The following CALN1 variants were observed in gnomAD, a reference collection of about 807,000 sequenced individuals.
The protein encoded by CALN1 is calneuron 1.
In CALN1, 17 loss-of-function variants were observed where a neutral mutation model predicts 30.6. That is an observed-to-expected ratio of 0.56 (90% CI 0.38 to 0.83). The LOEUF (loss-of-function observed/expected upper bound fraction) is 0.83, where lower values mean the gene tolerates loss of function less well. Among genes scored for constraint, CALN1 ranks in the 40% least tolerant of loss-of-function variants. The pLI, the probability that CALN1 is intolerant of heterozygous loss-of-function variation, is 0.00. For synonymous variants in CALN1, 156 were observed against 131.4 expected, an observed-to-expected ratio of 1.19 and a Z score of -1.28; for missense variants, 291 against 354.9, an observed-to-expected ratio of 0.82 and a Z score of 1.45.
rs371153112 is a variant in CALN1 at position 71,873,001 on chromosome 7, A to ATTTTTTTT, written c.502-62517_502-62510dup. Among the ~76,000 whole-genome samples the ATTTTTTTT allele has an allele frequency of 1.1e-3, 132 of 115,600 alleles. 6 individuals are homozygous for ATTTTTTTT. The highest frequency in any genetic ancestry group is 3.6e-3 in the African/African-American group (102 of 28,088). The allele number at this position is 115,600 out of a possible 152,430, so 75.8% of individuals were successfully genotyped here. ...AGTTAAACACACAAAGTTTGTGACA[A>ATTTTTTTT]TTTTTTTTTTTTTTTTTTTTGAGAT... On this transcript the variant is annotated intron_variant, in intron 5 of 6. Coordinates refer to ENST00000395275, the MANE Select transcript of CALN1 (RefSeq NM_031468.4).
chr7:72,216,091 A>G (rs1009107785), intron 3 of CALN1, among the ~76,000 whole-genome samples: 1 of 152,114 alleles, frequency 6.6e-6, no homozygotes, highest in Non-Finnish European at 1.5e-5. Context: ...CTGCCTCCAG[A>G]AAGACCCAAC....
intron 4 of CALN1, among the ~76,000 whole-genome samples, chr7:72,078,038 T>C (rs552310819): frequency 2.6e-5 from 4 of 152,296 alleles, no homozygotes; most frequent in East Asian, 3.9e-4. Flanking sequence ...ACAGTTGCCA[T>C]AGCAATCCCG....
chr7:72,244,358 A>C (rs1795026996), intron 3 of CALN1, among the ~76,000 whole-genome samples: 1 of 152,192 alleles, frequency 6.6e-6, no homozygotes, highest in African/African-American at 2.4e-5. Context: ...AAAGCTATTC[A>C]AGAAGTCCAC....
At chr7:72,197,177 G>T (rs1159580359) in intron 3 of CALN1, among the ~76,000 whole-genome samples, 94 of 81,140 alleles carry the variant, frequency 1.2e-3, no homozygotes, top group African/African-American at 3.7e-3. Flanking sequence ...TGGAAGGTTT[G>T]CTTTTTTTTT....
At position 72,268,326 on chromosome 7, in the gene CALN1, C is replaced by G. The variant is rs146059273; in HGVS notation, c.244+10360G>C. 2.6e-3 allele frequency among the ~76,000 whole-genome samples: 389 copies of G among 151,364 alleles called. 2 individuals carry two copies. The highest frequency in any genetic ancestry group is 8.5e-3 in the African/African-American group (351 of 41,298). On this transcript the variant is annotated intron_variant, in intron 3 of 6. Transcript: ENST00000395275. ...GTGGAGGGTAAGCAGGGAGTTGAAGCAGACAAAAAAAAAGAAGGGATTCAG... is the reference window on the plus strand; with the variant it reads ...GTGGAGGGTAAGCAGGGAGTTGAAGGAGACAAAAAAAAAGAAGGGATTCAG...
chr7:72,310,413 T>C (rs1227288654), intron 2 of CALN1, among the ~76,000 whole-genome samples: 2 of 149,802 alleles, frequency 1.3e-5, no homozygotes, highest in Non-Finnish European at 3.0e-5. Context: ...ACAATGGCAA[T>C]GGCCTAGATG....
At chr7:71,861,837 T>C (rs1000233809) in intron 5 of CALN1, among the ~76,000 whole-genome samples, 1 of 150,200 alleles carries the variant, frequency 6.7e-6, no homozygotes, top group Admixed American at 6.6e-5. Context: ...GTTGATTGGG[T>C]TTCCTGCTTT....
At chr7:72,192,116 C>A (rs1247897658) in intron 3 of CALN1, among the ~76,000 whole-genome samples, 2 of 152,230 alleles carry the variant, frequency 1.3e-5, no homozygotes, top group South Asian at 4.1e-4. Context: ...CTGACCTCTG[C>A]AGAAGGTCGG....
chr7:71,866,707 G>T (rs1791608171), intron 5 of CALN1, among the ~76,000 whole-genome samples: 1 of 152,146 alleles, frequency 6.6e-6, no homozygotes, highest in Non-Finnish European at 1.5e-5. Flanking sequence ...AAACTCAGGG[G>T]ATGATACAGG....
chr7:72,498,250 G>A, the CALN1 span, among the ~76,000 whole-genome samples: 2 of 152,016 alleles, frequency 1.3e-5, no homozygotes, highest in East Asian at 3.9e-4. Flanking sequence ...GAATAGAATC[G>A]AGAATTTTTA....
chr7:72,428,727 A>C (rs185090582), intron 1 of CALN1, among the ~76,000 whole-genome samples: 1 of 152,336 alleles, frequency 6.6e-6, no homozygotes, highest in Admixed American at 6.5e-5. Context: ...GGTCTGGCAC[A>C]GTGGCTCATG....
At chr7:72,049,714 G>A (rs886458626) in intron 4 of CALN1, among the ~76,000 whole-genome samples, 7 of 151,936 alleles carry the variant, frequency 4.6e-5, no homozygotes, top group African/African-American at 1.7e-4. Flanking sequence ...CACCACGCTG[G>A]TCAGGCTGGT....
At chr7:72,252,022 A>G (rs965801596) in intron 3 of CALN1, among the ~76,000 whole-genome samples, 1 of 152,208 alleles carries the variant, frequency 6.6e-6, no homozygotes, top group African/African-American at 2.4e-5. Flanking sequence ...ACCACACAAG[A>G]TATTTTACTT....
At chr7:72,307,789 C>G (rs1321956790) in intron 2 of CALN1, among the ~76,000 whole-genome samples, 2 of 152,056 alleles carry the variant, frequency 1.3e-5, no homozygotes, top group Non-Finnish European at 2.9e-5. Context: ...GACACAAGAT[C>G]ATCCCAACAG....
At chr7:72,235,110 C>CA (rs963206401) in intron 3 of CALN1, among the ~76,000 whole-genome samples, 15 of 151,532 alleles carry the variant, frequency 9.9e-5, no homozygotes, top group African/African-American at 2.7e-4. Context: ...CTGTCTCTGC[C>CA]AAAAAAACTA....
intron 3 of CALN1, among the ~76,000 whole-genome samples, chr7:72,118,221 C>T (rs922161926): frequency 6.6e-6 from 1 of 152,120 alleles, no homozygotes; most frequent in Admixed American, 6.5e-5. Flanking sequence ...ATTTTTGTAA[C>T]TTATTAAGTG....
chr7:71,956,907 G>T (rs1213413156), intron 5 of CALN1, among the ~76,000 whole-genome samples: 1 of 151,746 alleles, frequency 6.6e-6, no homozygotes. Flanking sequence ...ATGTTGGCCA[G>T]TCTGGTCTCA....
intron 3 of CALN1, among the ~76,000 whole-genome samples, chr7:72,262,264 G>A (rs1267392467): frequency 6.6e-6 from 1 of 152,212 alleles, no homozygotes; most frequent in Non-Finnish European, 1.5e-5. Context: ...AGCATCACAC[G>A]GAGGACTTGG....
At chr7:72,046,709 T>TAAAAAA (rs59664699) in intron 4 of CALN1, among the ~76,000 whole-genome samples, 2 of 51,858 alleles carry the variant, frequency 3.9e-5, no homozygotes, top group Non-Finnish European at 7.2e-5. Context: ...GACTCCCTCT[T>TAAAAAA]AAAAAAAAAA....
Sources: gnomAD v4.1 joint callset for allele counts (sites outside exome capture counted in the v4.1 genomes callset) on GRCh38, gnomAD v4.1.1 for gene constraint, MANE v1.5 for transcripts, NCBI Gene and HGNC (gene_info 2026-07-23, HGNC 2026-07-21) for gene names.